CRYBB3: variants seen among roughly 807,000 people sequenced by gnomAD.
The protein encoded by CRYBB3 is beta-crystallin B3.
A neutral mutation model predicts 28.3 loss-of-function variants in CRYBB3; 35 were observed. That is an observed-to-expected ratio of 1.24 (90% CI 0.95 to 1.64). The LOEUF (loss-of-function observed/expected upper bound fraction) is 1.64, where lower values mean the gene tolerates loss of function less well. CRYBB3 is among the 40% of genes most tolerant of loss of function. The probability of loss-of-function intolerance (pLI) is 0.00; values close to 1 mark genes in which losing one functional copy is unlikely to be tolerated. For synonymous variants in CRYBB3, 106 were observed against 110.4 expected, an observed-to-expected ratio of 0.96 and a Z score of 0.25; for missense variants, 296 against 297.4, an observed-to-expected ratio of 1.00 and a Z score of 0.04.
In CRYBB3 at chr22:25,207,271, G is replaced by A. The variant is rs1935053099; in HGVS notation, c.*59G>A. On this transcript the variant is annotated 3_prime_UTR_variant, in exon 6 of 6. Transcript: ENST00000215855. ...CTGGGGGGCTGCAAGGGCAAGAAGA[G>A]GAGGCTCCAGGGTTGGGGCGAGGGC... 2 of 1,510,858 alleles carry A rather than the reference G, an allele frequency of 1.3e-6. No individual in the cohort carries two copies. Among genetic ancestry groups the A allele is most frequent in the African/African-American group, 2.7e-5 (2 of 72,832 alleles). The allele number at this position is 1,510,858 out of a possible 1,614,324, so 93.6% of individuals were successfully genotyped here.
intron 5 of CRYBB3, among the ~76,000 whole-genome samples, chr22:25,206,200 A>C (rs1935030623): frequency 1.3e-5 from 2 of 152,062 alleles, no homozygotes; most frequent in Admixed American, 1.3e-4. Flanking sequence ...AACATCTACT[A>C]TATGCTGGTG....
intron 4 of CRYBB3, among the ~76,000 whole-genome samples, 171 bp from the exon 5 acceptor site, chr22:25,205,049 C>G (rs1935007172): frequency 6.6e-6 from 1 of 152,120 alleles, no homozygotes; most frequent in South Asian, 2.1e-4. Context: ...CCCGTCCCTC[C>G]TACAGTGAAT....
intron 4 of CRYBB3, among the ~76,000 whole-genome samples, chr22:25,204,175 A>G (rs1010417465): frequency 1.3e-5 from 2 of 152,248 alleles, no homozygotes; most frequent in African/African-American, 4.8e-5. Flanking sequence ...GATGAGCCAC[A>G]TGGCCCAGTC....
Position 25,207,173 on chromosome 22 carries a change from C to G in CRYBB3, c.597C>G (p.Asp199Glu). 6.2e-7 allele frequency: 1 copy of G among 1,613,750 alleles called. No individual in the cohort carries two copies. The highest frequency in any genetic ancestry group is 8.5e-7 in the Non-Finnish European group (1 of 1,179,996). The change falls in exon 6 of 6, where the codon GAC (aspartate) becomes GAG (glutamate). Residue 199 changes from aspartate (D) to glutamate (E), a missense_variant. Asp to Glu is a conservative substitution (Grantham distance 45). Transcript: ENST00000215855. ...TGCAGTCTGTGCGCCGCATCCGTGA[C>G]CAGAAGTGGCACAAGCGGGGCCGCT... ...PQLQSVRRIR[D>E]QKWHKRGRFP...
intron 5 of CRYBB3, among the ~76,000 whole-genome samples, chr22:25,206,325 C>A (rs1935033322): frequency 6.6e-6 from 1 of 152,122 alleles, no homozygotes; most frequent in African/African-American, 2.4e-5. Flanking sequence ...GGGCGGATCA[C>A]CTGAGGTCAG....
At chr22:25,202,488 A>C (rs1366596575) in intron 2 of CRYBB3, among the ~76,000 whole-genome samples, 186 bp from the exon 3 acceptor site, 1 of 152,186 alleles carries the variant, frequency 6.6e-6, no homozygotes, top group Non-Finnish European at 1.5e-5. Flanking sequence ...AATTGGTCTC[A>C]TTGAAGTTCC....
In CRYBB3 at chr22:25,205,327, G is replaced by A; in HGVS notation, c.435G>A (p.Gln145=). 1.9e-6 allele frequency: 3 copies of A among 1,614,182 alleles called. No homozygotes were observed. The highest frequency in any genetic ancestry group is 2.2e-5 in the East Asian group (1 of 44,886). The change falls in exon 5 of 6, where the codon CAG becomes CAA. Residue 145 remains glutamine (Q), a synonymous_variant. Coordinates refer to ENST00000215855, the MANE Select transcript of CRYBB3 (RefSeq NM_004076.5). ...CCAGCCTGTGGGCTCATGGCTTCCA[G>A]GACCGTGTGGCGAGTGTCCGTGCCA... ...DVPSLWAHGF[Q]DRVASVRAIN...
chr22:25,200,329 C>T (rs1221156232), intron 1 of CRYBB3, among the ~76,000 whole-genome samples: 1 of 152,046 alleles, frequency 6.6e-6, no homozygotes, highest in Non-Finnish European at 1.5e-5. Context: ...TGCAGCTGTG[C>T]ATGCTGGGGT....
chr22:25,204,900 T>C (rs1312486232), intron 4 of CRYBB3, among the ~76,000 whole-genome samples: 1 of 152,224 alleles, frequency 6.6e-6, no homozygotes, highest in Non-Finnish European at 1.5e-5. Flanking sequence ...TGTTGATACT[T>C]TTGATCTCTG....
rs139487214 is a variant in CRYBB3 at position 25,207,068 on chromosome 22, C to T, written c.492C>T (p.Pro164=). 142 of 1,613,454 alleles carry T rather than the reference C, an allele frequency of 8.8e-5. No individual in the cohort carries two copies. Among genetic ancestry groups the T allele is most frequent in the African/African-American group, 3.2e-4 (24 of 75,050 alleles). Reference sequence around the variant, plus strand: ...GCAGGTGGGTTGGCTATGAGTTCCCCGGCTACCGTGGGCGCCAGTACGTGT... The same window carrying T: ...GCAGGTGGGTTGGCTATGAGTTCCCTGGCTACCGTGGGCGCCAGTACGTGT... ...INGTWVGYEF[P]GYRGRQYVFE... The change falls in exon 6 of 6, where the codon CCC becomes CCT. Residue 164 remains proline (P), a synonymous_variant. Transcript: ENST00000215855.
rs1430571756 is a variant in CRYBB3, at chr22:25,202,663, T to A, written c.76-11T>A. 5 of 1,613,556 alleles carry A rather than the reference T, an allele frequency of 3.1e-6. No homozygotes were observed. In the African/African-American group the frequency reaches 6.7e-5, roughly 22 times the overall value. On this transcript the variant is annotated splice_polypyrimidine_tract_variant and intron_variant, in intron 2 of 5. Transcript: ENST00000215855. Reference sequence around the variant, plus strand: ...AGCAGAGGTGGGATGTTTAGGACTCTGCTCTTCTAGGTGATCTTGTACGAA... The same window carrying A: ...AGCAGAGGTGGGATGTTTAGGACTCAGCTCTTCTAGGTGATCTTGTACGAA...
chr22:25,205,606 C>T (rs2146075538), intron 5 of CRYBB3, among the ~76,000 whole-genome samples: 2 of 152,190 alleles, frequency 1.3e-5, no homozygotes, highest in East Asian at 1.9e-4. Context: ...ACTACAGGCG[C>T]CCACGACCAC....
chr22:25,206,478 G>A lies in CRYBB3; in HGVS notation c.471-569G>A, dbSNP rs1935036310. 2.6e-5 allele frequency among the ~76,000 whole-genome samples: 4 copies of A among 152,304 alleles called. No homozygotes were observed. The South Asian group carries it at 6.2e-4, about 24-fold the overall frequency. On this transcript the variant is annotated intron_variant, in intron 5 of 5. Transcript: ENST00000215855. ...GAATCACTTGAACCTGGGAGGTGGAGGTTGTAGTGAGCCGAGATCACGCCA... is the reference window on the plus strand; with the variant it reads ...GAATCACTTGAACCTGGGAGGTGGAAGTTGTAGTGAGCCGAGATCACGCCA...
chr22:25,206,917 T>C, intron 5 of CRYBB3, 130 bp from the exon 6 acceptor site: 2 of 780,078 alleles, frequency 2.6e-6, no homozygotes, highest in Non-Finnish European at 4.7e-6. Flanking sequence ...GGTAAAGAGT[T>C]TGGATTCATC....
chr22:25,205,006 G>A (rs182629361), intron 4 of CRYBB3, among the ~76,000 whole-genome samples: 1 of 152,282 alleles, frequency 6.6e-6, no homozygotes, highest in East Asian at 1.9e-4. Flanking sequence ...TACGGCTCTA[G>A]GTTCCTAAAT....
At chr22:25,200,361 T>G (rs1374626006) in intron 1 of CRYBB3, among the ~76,000 whole-genome samples, 1 of 151,862 alleles carries the variant, frequency 6.6e-6, no homozygotes, top group Non-Finnish European at 1.5e-5. Flanking sequence ...GAGCCGTGGG[T>G]GGGTAACAGT....
Position 25,207,086 on chromosome 22 carries a change from G to A in CRYBB3, c.510G>A (p.Gln170=), listed in dbSNP as rs771196531. 1.2e-6 allele frequency: 2 copies of A among 1,613,698 alleles called. No individual in the cohort carries two copies. Among genetic ancestry groups the A allele is most frequent in the South Asian group, 2.2e-5 (2 of 91,080 alleles). ...AGTTCCCCGGCTACCGTGGGCGCCAGTACGTGTTTGAGCGGGGCGAGTACC... is the reference window on the plus strand; with the variant it reads ...AGTTCCCCGGCTACCGTGGGCGCCAATACGTGTTTGAGCGGGGCGAGTACC... ...GYEFPGYRGR[Q]YVFERGEYRH... is the part of the protein sequence containing the mutation. The change falls in exon 6 of 6, where the codon CAG becomes CAA. Residue 170 remains glutamine (Q), a synonymous_variant. Coordinates refer to ENST00000215855, the MANE Select transcript of CRYBB3 (RefSeq NM_004076.5).
At chr22:25,206,939 G>A in intron 5 of CRYBB3, 108 bp from the exon 6 acceptor site, 1 of 843,632 alleles carries the variant, frequency 1.2e-6, no homozygotes, top group Non-Finnish European at 2.1e-6. Context: ...CAAGGGCTCT[G>A]GGGAGCTAAA....
At chr22:25,202,068 T>C (rs1448968837) in intron 2 of CRYBB3, among the ~76,000 whole-genome samples, 2 of 152,190 alleles carry the variant, frequency 1.3e-5, no homozygotes, top group Non-Finnish European at 2.9e-5. Flanking sequence ...CCTCTTAACT[T>C]GCTGTGCAGC....
Sources: allele counts gnomAD v4.1 joint callset (sites outside exome capture counted in the v4.1 genomes callset), GRCh38; gene constraint gnomAD v4.1.1; transcripts MANE v1.5; gene names NCBI Gene and HGNC (gene_info 2026-07-23, HGNC 2026-07-21).